ERO1B: variants seen among roughly 807,000 people sequenced by gnomAD.
ERO1B encodes endoplasmic reticulum oxidoreductase 1 beta.
A neutral mutation model predicts 75.3 loss-of-function variants in ERO1B; 49 were observed. The observed-to-expected ratio is 0.65, with a 90% CI of 0.52 to 0.83. ERO1B has a LOEUF of 0.83. Among genes scored for constraint, ERO1B ranks in the 40% least tolerant of loss-of-function variants. The pLI, the probability that ERO1B is intolerant of heterozygous loss-of-function variation, is 0.00. For synonymous variants in ERO1B, 191 were observed against 192.9 expected, an observed-to-expected ratio of 0.99 and a Z score of 0.08; for missense variants, 512 against 560.1, an observed-to-expected ratio of 0.91 and a Z score of 0.87.
chr1:236,219,213 C>T (rs890025577), intron 15 of ERO1B, among the ~76,000 whole-genome samples: 10 of 152,132 alleles, frequency 6.6e-5, no homozygotes, highest in Admixed American at 2.6e-4. Flanking sequence ...CTTAGGAGGA[C>T]AGGCAATGTT....
At chr1:236,257,301 TAC>T (rs767707402) in intron 2 of ERO1B, among the ~76,000 whole-genome samples, 16 of 152,056 alleles carry the variant, frequency 1.1e-4, no homozygotes, top group Non-Finnish European at 1.9e-4. Context: ...CAGAAACCAA[TAC>T]AGAGTTAAGA....
At chr1:236,231,225 T>A (rs1156296774) in intron 9 of ERO1B, among the ~76,000 whole-genome samples, 4 of 152,168 alleles carry the variant, frequency 2.6e-5, no homozygotes, top group African/African-American at 7.2e-5. Flanking sequence ...GTTAATAGAA[T>A]ACAGAAGGGC....
chr1:236,271,731 C>T (rs1200611415), intron 1 of ERO1B, among the ~76,000 whole-genome samples: 1 of 151,896 alleles, frequency 6.6e-6, no homozygotes, highest in African/African-American at 2.4e-5. Context: ...TCTTTAATTA[C>T]ATCTACCTCC....
chr1:236,280,334 C>G (rs941898783), intron 1 of ERO1B, among the ~76,000 whole-genome samples: 1 of 152,128 alleles, frequency 6.6e-6, no homozygotes, highest in African/African-American at 2.4e-5. Flanking sequence ...AATAATTTTG[C>G]CAAAGACAAT....
intron 5 of ERO1B, among the ~76,000 whole-genome samples, chr1:236,244,963 T>C (rs1379269868): frequency 1.3e-5 from 2 of 151,892 alleles, no homozygotes; most frequent in East Asian, 1.9e-4. Flanking sequence ...AAAGATGGAA[T>C]AGGGAATGAG....
chr1:236,233,341 G>A (rs1664461763), intron 8 of ERO1B, among the ~76,000 whole-genome samples: 1 of 150,556 alleles, frequency 6.6e-6, no homozygotes, highest in African/African-American at 2.4e-5. Context: ...GCTGGGCACG[G>A]TGGCTCAGGC....
chr1:236,221,678 G>T (rs1572028012), intron 14 of ERO1B: 2 of 392,144 alleles, frequency 5.1e-6, no homozygotes, highest in East Asian at 1.1e-4. Context: ...AATGAATCTG[G>T]TATTGTATCA....
intron 2 of ERO1B, among the ~76,000 whole-genome samples, chr1:236,265,738 C>A (rs572436958): frequency 6.6e-6 from 1 of 152,228 alleles, no homozygotes; most frequent in African/African-American, 2.4e-5. Context: ...CTGGTGCCTA[C>A]CTATATTTCC....
chr1:236,258,241 A>G (rs1265740502), intron 2 of ERO1B, among the ~76,000 whole-genome samples: 2 of 151,718 alleles, frequency 1.3e-5, no homozygotes, highest in East Asian at 1.9e-4. Context: ...AGACGTTATT[A>G]TCAAATTGTC....
chr1:236,220,676 T>C, intron 15 of ERO1B, 156 bp downstream of exon 15: 1 of 593,678 alleles, frequency 1.7e-6, no homozygotes, highest in Non-Finnish European at 2.6e-6. Flanking sequence ...AGAAACTGAC[T>C]TGTCAGCATT....
At chr1:236,277,329 G>A (rs1004037306) in intron 1 of ERO1B, among the ~76,000 whole-genome samples, 5 of 151,906 alleles carry the variant, frequency 3.3e-5, no homozygotes, top group African/African-American at 1.2e-4. Context: ...GCTTGAGCCT[G>A]GGAGACAGAG....
intron 5 of ERO1B, among the ~76,000 whole-genome samples, chr1:236,245,339 TAC>T (rs1558513135): frequency 6.6e-5 from 2 of 30,458 alleles, no homozygotes; most frequent in African/African-American, 1.2e-4. Context: ...CGTATATATA[TAC>T]GTATATATAT....
chr1:236,253,382 A>C, intron 3 of ERO1B, 40 bp downstream of exon 3: 18 of 1,245,344 alleles, frequency 1.4e-5, no homozygotes, highest in Non-Finnish European at 2.0e-5. Flanking sequence ...TAAAAGTCCA[A>C]GAGAAAATTG....
intron 6 of ERO1B, 56 bp from the exon 7 acceptor site, chr1:236,236,454 T>C (rs1263720563): frequency 9.4e-6 from 15 of 1,596,334 alleles, no homozygotes; most frequent in Non-Finnish European, 1.2e-5. Context: ...ATCTAAGATT[T>C]AACAGTACAA....
At chr1:236,233,944 T>C (rs957747821) in intron 8 of ERO1B, among the ~76,000 whole-genome samples, 3 of 152,174 alleles carry the variant, frequency 2.0e-5, no homozygotes, top group Non-Finnish European at 4.4e-5. Context: ...TCAGCTTTAT[T>C]ATGTAGGTTC....
chr1:236,262,646 C>T (rs1665318064), intron 2 of ERO1B, among the ~76,000 whole-genome samples: 1 of 152,102 alleles, frequency 6.6e-6, no homozygotes, highest in Non-Finnish European at 1.5e-5. Context: ...CTCAAATGAT[C>T]CACTAGCCTC....
At chr1:236,227,259 T>TAA (rs5781870) in intron 10 of ERO1B, among the ~76,000 whole-genome samples, 1 of 151,964 alleles carries the variant, frequency 6.6e-6, no homozygotes, top group East Asian at 1.9e-4. Flanking sequence ...TTCAACTAAT[T>TAA]AAAAAAAGAA....
rs774823329 is a variant in ERO1B, at chr1:236,243,459, T to C, written c.468A>G (p.Arg156=). 1 of 1,605,370 alleles carries C rather than the reference T, an allele frequency of 6.2e-7. No homozygotes were observed. The highest frequency in any genetic ancestry group is 2.3e-5 in the East Asian group (1 of 44,406). The change falls in exon 6 of 16, where the codon AGA becomes AGG. Residue 156 remains arginine, a synonymous_variant. Coordinates refer to ENST00000354619, the MANE Select transcript of ERO1B (RefSeq NM_019891.4). ...QSKEAFIDWA[R]YDDSRDHFCE... ...AAAAGTGATCCCGTGAATCATCATA[T>C]CTTGCCCAGTCAATGAAAGCTTCTT... is the stretch of plus-strand genomic sequence containing the variant.
At chr1:236,232,039 C>T (rs925799112) in intron 9 of ERO1B, among the ~76,000 whole-genome samples, 4 of 152,200 alleles carry the variant, frequency 2.6e-5, no homozygotes, top group Non-Finnish European at 4.4e-5. Flanking sequence ...TCCAATTGTA[C>T]GGATCTAAAT....
Sources: allele counts gnomAD v4.1 joint callset (sites outside exome capture counted in the v4.1 genomes callset), GRCh38; gene constraint gnomAD v4.1.1; transcripts MANE v1.5; gene names NCBI Gene and HGNC (gene_info 2026-07-23, HGNC 2026-07-21).